The following REN variants were observed in gnomAD, a reference collection of about 807,000 sequenced individuals.
REN encodes angiotensin-forming enzyme.
Under a neutral mutation model 48.6 loss-of-function variants are expected in REN, and 42 were observed. The ratio of observed to expected loss-of-function variants is 0.86; its 90% confidence interval spans 0.68 to 1.12. The LOEUF is 1.12. REN is among the 50% of genes most tolerant of loss of function. The pLI, the probability that REN is intolerant of heterozygous loss-of-function variation, is 0.00. For synonymous variants in REN, 196 were observed against 204.6 expected (o/e 0.96, Z 0.36); for missense variants, 443 against 527.3 (o/e 0.84, Z 1.57).
At position 204,156,329 on chromosome 1, in the gene REN, G is replaced by T. The variant is rs763874988; in HGVS notation, c.819-10C>A. 105 of 1,494,036 alleles carry T rather than the reference G, an allele frequency of 7.0e-5. No individual in the cohort carries two copies. In the Admixed American group the frequency reaches 2.0e-3, roughly 28 times the overall value. The allele number at this position is 1,494,036 out of a possible 1,614,324, so 92.5% of individuals were successfully genotyped here. On this transcript the variant is annotated splice_polypyrimidine_tract_variant and intron_variant, in intron 7 of 9. Coordinates refer to ENST00000272190, the MANE Select transcript of REN (RefSeq NM_000537.4). This position sits in a 1 kb window ranked among gnomAD's most constrained non-coding sequence, Gnocchi z 4.2. ...TGACCCCACAGACACCCTGGGGGAG[G>T]CCACAGTCAGACAGACAGACAGACA...
chr1:204,164,965 GT>G (rs1269951259), intron 1 of REN, among the ~76,000 whole-genome samples: 1 of 150,956 alleles, frequency 6.6e-6, no homozygotes, highest in Non-Finnish European at 1.5e-5. Context: ...CTAAAGCCTT[GT>G]TTTTTTCTTT....
Position 204,156,847 on chromosome 1 carries a change from C to G in REN, c.699-51G>C, listed in dbSNP as rs1234378266. ...GAAACCCATAACCTCCAGGACCCAG[C>G]AACTCAGGCAATTGGGGAAGGTTGC... is the stretch of plus-strand genomic sequence containing the variant. On this transcript the variant is annotated intron_variant, in intron 6 of 9. Coordinates refer to ENST00000272190, the MANE Select transcript of REN (RefSeq NM_000537.4). The surrounding 1 kb of genome is among the most constrained non-coding windows in gnomAD (Gnocchi z 4.2). The G allele has an allele frequency of 6.2e-7, 1 of 1,609,286 alleles. No individual in the cohort carries two copies. Among genetic ancestry groups the G allele is most frequent in the Non-Finnish European group, 8.5e-7 (1 of 1,179,692 alleles).
rs1020173040 is a variant in REN at position 204,156,380 on chromosome 1, C to T, written c.819-61G>A. The T allele has an allele frequency of 8.2e-6, 13 of 1,580,928 alleles. No individual in the cohort carries two copies. The highest frequency in any genetic ancestry group is 1.7e-5 in the Admixed American group (1 of 57,692). On this transcript the variant is annotated intron_variant, in intron 7 of 9. Coordinates refer to ENST00000272190, the MANE Select transcript of REN (RefSeq NM_000537.4). This position sits in a 1 kb window ranked among gnomAD's most constrained non-coding sequence, Gnocchi z 4.2. The stretch of plus-strand genomic sequence containing the variant: ...GACAGACAGAAGGCTGATGGGGCAC[C>T]TCCAGGCTGCATGTCCTTCCTGAGT...
In REN at chr1:204,155,737, C is replaced by T. The variant is rs2368564; in HGVS notation, c.1059+83G>A. ...TTTGAGAACTACAGTTCTAACATGA[C>T]CTGTGCATTGTAATCTGTCACTCTT... On this transcript the variant is annotated intron_variant, in intron 9 of 9. Coordinates refer to ENST00000272190, the MANE Select transcript of REN (RefSeq NM_000537.4). The T allele has an allele frequency of 0.29, 302,663 of 1,044,162 alleles. 49,807 individuals carry two copies. Among genetic ancestry groups the T allele is most frequent in the African/African-American group, 0.67 (42,669 of 64,052 alleles). 64.7% of individuals were successfully genotyped at this position (1,044,162 alleles called of 1,614,324 possible).
In REN at chr1:204,156,521, C is replaced by T. The variant is rs1375335698; in HGVS notation, c.818+156G>A. ...GGCCCCTCCCTTCTCTGTTCCCCAG[C>T]CTGGACAGAGCAGGCAGAGAGCAAA... On this transcript the variant is annotated intron_variant, in intron 7 of 9. Transcript: ENST00000272190. The surrounding 1 kb of genome is among the most constrained non-coding windows in gnomAD (Gnocchi z 4.2). Among the ~76,000 whole-genome samples, 2 of 152,152 alleles carry T rather than the reference C, an allele frequency of 1.3e-5. No homozygotes were observed. The highest frequency in any genetic ancestry group is 2.9e-5 in the Non-Finnish European group (2 of 68,018).
chr1:204,164,824 T>C (rs1282349664), intron 1 of REN, among the ~76,000 whole-genome samples: 2 of 151,984 alleles, frequency 1.3e-5, no homozygotes, highest in Non-Finnish European at 2.9e-5. Flanking sequence ...CACCTCAGCC[T>C]CTCAAAGTGC....
Position 204,156,693 on chromosome 1 carries a change from G to T in REN, c.802C>A (p.Gln268Lys), listed in dbSNP as rs1356116794. ...YINLIKTGVW[Q>K]IQMKGVSVGS... ...ATTTCTGACCCCTTCATTTGAATCT[G>T]CCAGACACCAGTCTTGATGAGGTTG... Residue 268 changes from glutamine to lysine, a missense_variant, in exon 7 of 10, where the codon CAG (glutamine) becomes AAG (lysine). Transcript: ENST00000272190. This position sits in a 1 kb window ranked among gnomAD's most constrained non-coding sequence, Gnocchi z 4.2. 3.1e-6 allele frequency: 5 copies of T among 1,612,414 alleles called. No individual in the cohort carries two copies. The highest frequency in any genetic ancestry group is 4.2e-6 in the Non-Finnish European group (5 of 1,178,962).
Position 204,160,605 on chromosome 1 carries a change from A to C in REN, c.447T>G (p.Tyr149Ter). 1 of 1,614,222 alleles carries C rather than the reference A, an allele frequency of 6.2e-7. No individual in the cohort carries two copies. The highest frequency in any genetic ancestry group is 8.5e-7 in the Non-Finnish European group (1 of 1,180,016). ...KHNGTELTLR[Y>*]STGTVSGFLS... ...GAAAGCCACTGACTGTCCCTGTTGAATAGCGGAGGGTGAGTTCTGTTCCAT... is the reference window on the plus strand; with the variant it reads ...GAAAGCCACTGACTGTCCCTGTTGACTAGCGGAGGGTGAGTTCTGTTCCAT... The change falls in exon 4 of 10, where the codon TAT becomes TAG. Residue 149 changes from tyrosine (Y) to a stop codon, truncating the protein, a stop_gained. Transcript: ENST00000272190. LOFTEE classifies it high-confidence loss of function.
At position 204,157,358 on chromosome 1, in the gene REN, T is replaced by A. The variant is rs1658168647; in HGVS notation, c.698+3A>T. The A allele has an allele frequency of 6.2e-7, 1 of 1,614,258 alleles. No individual in the cohort carries two copies. The highest frequency in any genetic ancestry group is 8.5e-7 in the Non-Finnish European group (1 of 1,180,044). On this transcript the variant is annotated splice_donor_region_variant and intron_variant, in intron 6 of 9. Transcript: ENST00000272190. ...CAGCCATGTGGGGGTTTTGTCTCCTTACTCGGAATCTCTGCAGAGAAAGAG... is the reference window on the plus strand; with the variant it reads ...CAGCCATGTGGGGGTTTTGTCTCCTAACTCGGAATCTCTGCAGAGAAAGAG...
intron 3 of REN, 122 bp downstream of exon 3, chr1:204,161,170 G>A: frequency 1.8e-6 from 2 of 1,113,430 alleles, no homozygotes; most frequent in Non-Finnish European, 2.5e-6. Flanking sequence ...AGTGGGCACA[G>A]AGGCAGAGAG....
Position 204,156,137 on chromosome 1 carries a change from G to GCT in REN, c.960+39_960+40dup. On this transcript the variant is annotated intron_variant, in intron 8 of 9. Coordinates refer to ENST00000272190, the MANE Select transcript of REN (RefSeq NM_000537.4). The surrounding 1 kb of genome is among the most constrained non-coding windows in gnomAD (Gnocchi z 4.2). Reference sequence around the variant, plus strand: ...GATTTGTGAGCCGATACCAGGTGGCGCTCCCCCCACCCACAGCACCTTCCC... The same window carrying GCT: ...GATTTGTGAGCCGATACCAGGTGGCGCTCTCCCCCCACCCACAGCACCTTCCC... 1 of 1,613,614 alleles carries GCT rather than the reference G, an allele frequency of 6.2e-7. No homozygotes were observed. The highest frequency in any genetic ancestry group is 1.1e-5 in the South Asian group (1 of 91,048).
intron 1 of REN, among the ~76,000 whole-genome samples, chr1:204,162,624 C>T (rs1658268771): frequency 6.6e-6 from 1 of 152,148 alleles, no homozygotes; most frequent in South Asian, 2.1e-4. Flanking sequence ...AGGGAGTGCC[C>T]CTGTCAAAAC....
Position 204,155,117 on chromosome 1 carries a change from G to A in REN, c.1120C>T (p.Pro374Ser). 2.5e-6 allele frequency: 4 copies of A among 1,614,246 alleles called. No individual in the cohort carries two copies. The highest frequency in any genetic ancestry group is 2.5e-6 in the Non-Finnish European group (3 of 1,180,048). Reference sequence around the variant, plus strand: ...CCCAGGGCCCAGGTGGGTCCAGTGGGTGGCGGGATATCCATGGCGTGGATG... The same window carrying A: ...CCCAGGGCCCAGGTGGGTCCAGTGGATGGCGGGATATCCATGGCGTGGATG... Reference protein sequence around the residue: ...LAIHAMDIPPPTGPTWALGAT... With the variant: ...LAIHAMDIPPSTGPTWALGAT... Residue 374 changes from proline (P) to serine (S), a missense_variant, in exon 10 of 10, where the codon CCC becomes TCC. By Grantham distance (74) the Pro-to-Ser change is moderately conservative. Coordinates refer to ENST00000272190, the MANE Select transcript of REN (RefSeq NM_000537.4).
Position 204,156,933 on chromosome 1 carries a change from G to T in REN, c.699-137C>A. The T allele has an allele frequency of 1.8e-6, 2 of 1,130,664 alleles. No homozygotes were observed. Among genetic ancestry groups the T allele is most frequent in the Non-Finnish European group, 1.3e-6 (1 of 757,668 alleles). The allele number at this position is 1,130,664 out of a possible 1,614,324, so 70.0% of individuals were successfully genotyped here. On this transcript the variant is annotated intron_variant, in intron 6 of 9. Coordinates refer to ENST00000272190, the MANE Select transcript of REN (RefSeq NM_000537.4). The surrounding 1 kb of genome is among the most constrained non-coding windows in gnomAD (Gnocchi z 4.2). ...AGAGGAATGTGGGACAGACAGCCAG[G>T]CTCGGAGCTGTCGTTGGGAAGCATG...
rs1346068533 is a variant in REN at position 204,156,628 on chromosome 1, A to T, written c.818+49T>A. On this transcript the variant is annotated intron_variant, in intron 7 of 9. Coordinates refer to ENST00000272190, the MANE Select transcript of REN (RefSeq NM_000537.4). The surrounding 1 kb of genome is among the most constrained non-coding windows in gnomAD (Gnocchi z 4.2). Reference sequence around the variant, plus strand: ...GTCCTTCCCCACCCTCCCCAACCCCAGTGACGGCAGCATTTTTTGGAGCCC... The same window carrying T: ...GTCCTTCCCCACCCTCCCCAACCCCTGTGACGGCAGCATTTTTTGGAGCCC... 1.6e-6 allele frequency: 2 copies of T among 1,272,484 alleles called. No homozygotes were observed. The highest frequency in any genetic ancestry group is 1.2e-5 in the South Asian group (1 of 84,510). The allele number at this position is 1,272,484 out of a possible 1,614,324, so 78.8% of individuals were successfully genotyped here. A position where few individuals can be genotyped will look rare whatever the true frequency, so the allele number is the denominator to read the frequency against.
intron 1 of REN, among the ~76,000 whole-genome samples, chr1:204,164,320 T>G (rs1658299674): frequency 6.6e-6 from 1 of 152,150 alleles, no homozygotes; most frequent in Admixed American, 6.5e-5. Flanking sequence ...ACATATCACC[T>G]CCCTGAGCCT....
chr1:204,159,394 C>A lies in REN; in HGVS notation c.689+5G>T. ...CACCTCAGCCCTTGGAGTCCCAGTC[C>A]CCACCTGTTGTAGTAGAAAGAGAAG... On this transcript the variant is annotated splice_donor_5th_base_variant and intron_variant, in intron 5 of 9. Coordinates refer to ENST00000272190, the MANE Select transcript of REN (RefSeq NM_000537.4). 1 of 1,613,810 alleles carries A rather than the reference C, an allele frequency of 6.2e-7. No homozygotes were observed. The highest frequency in any genetic ancestry group is 8.5e-7 in the Non-Finnish European group (1 of 1,179,748).
At chr1:204,162,254 C>G in intron 1 of REN, 91 bp from the exon 2 acceptor site, 1 of 1,431,194 alleles carries the variant, frequency 7.0e-7, no homozygotes, top group South Asian at 1.2e-5. Flanking sequence ...GCTTTTAGTA[C>G]AACCACCTTT....
intron 6 of REN, 34 bp downstream of exon 6, chr1:204,157,327 A>C: frequency 6.2e-7 from 1 of 1,614,082 alleles, no homozygotes; most frequent in Non-Finnish European, 8.5e-7. Context: ...GAGTACTGGA[A>C]GGTCACAGCC....
Sources: gnomAD v4.1 joint callset for allele counts (sites outside exome capture counted in the v4.1 genomes callset) on GRCh38, gnomAD v4.1.1 for gene constraint, Gnocchi (gnomAD v3.1) non-coding constraint, MANE v1.5 for transcripts, NCBI Gene and HGNC (gene_info 2026-07-23, HGNC 2026-07-21) for gene names.